Variants in NEDD4L observed in about 807,000 individuals in gnomAD.
NEDD4L encodes NEDD4 like E3 ubiquitin protein ligase.
A neutral mutation model predicts 148.9 loss-of-function variants in NEDD4L; 54 were observed. The ratio of observed to expected loss-of-function variants is 0.36; its 90% CI spans 0.29 to 0.45. NEDD4L has a LOEUF of 0.45. Among genes scored for constraint, NEDD4L ranks in the 20% least tolerant of loss-of-function variants. The probability of loss-of-function intolerance (pLI) is 1.00; values close to 1 mark genes in which losing one functional copy is unlikely to be tolerated. For synonymous variants in NEDD4L, 433 were observed against 440.7 expected (o/e 0.98, Z 0.22); for missense variants, 856 against 1,233.8 (o/e 0.69, Z 4.59).
rs537078408 is a variant in NEDD4L at position 58,232,273 on chromosome 18, TAA to T, written c.123-13153_123-13152del. Among the ~76,000 whole-genome samples the T allele has an allele frequency of 3.9e-4, 59 of 152,286 alleles. No homozygotes were observed. The South Asian group carries it at 0.011, about 28-fold the overall frequency. The stretch of plus-strand genomic sequence containing the variant: ...ATCCAGTCTAACACACACAGTAACT[TAA>T]GAGAGGATTTTAAAAAATCAAAATG... On this transcript the variant is annotated intron_variant, in intron 2 of 30. Coordinates refer to ENST00000400345, the MANE Select transcript of NEDD4L (RefSeq NM_001144967.3).
At chr18:58,288,546 T>C (rs923779410) in intron 5 of NEDD4L, among the ~76,000 whole-genome samples, 1 of 152,244 alleles carries the variant, frequency 6.6e-6, no homozygotes, top group African/African-American at 2.4e-5. Context: ...CTGAATTTTA[T>C]AGTTTAATAT....
rs934852134 is a variant in NEDD4L at position 58,398,234 on chromosome 18, C to T, written c.*1965C>T. 23 of 141,588 alleles carry T rather than the reference C, an allele frequency of 1.6e-4. No homozygotes were observed. Among genetic ancestry groups the T allele is most frequent in the Admixed American group, 6.3e-4 (9 of 14,242 alleles). 8.8% of individuals were successfully genotyped at this position (141,588 alleles called of 1,614,324 possible). ...TTTTGACTATTGGTGAGATGTTTTCCGCTACAGTTAACATGACAAATGTCT... is the reference window on the plus strand; with the variant it reads ...TTTTGACTATTGGTGAGATGTTTTCTGCTACAGTTAACATGACAAATGTCT... On this transcript the variant is annotated 3_prime_UTR_variant, in exon 31 of 31. Coordinates refer to ENST00000400345, the MANE Select transcript of NEDD4L (RefSeq NM_001144967.3).
chr18:58,100,252 C>A (rs1327799861), intron 1 of NEDD4L, among the ~76,000 whole-genome samples: 1 of 152,142 alleles, frequency 6.6e-6, no homozygotes, highest in Non-Finnish European at 1.5e-5. Flanking sequence ...GTCATTAAGG[C>A]CCCTTAACAT....
intron 1 of NEDD4L, among the ~76,000 whole-genome samples, chr18:58,077,773 A>G (rs939779961): frequency 2.0e-5 from 3 of 152,182 alleles, no homozygotes; most frequent in Non-Finnish European, 4.4e-5. Context: ...TAACCTGACC[A>G]TAGAGCTCCA....
At position 58,399,038 on chromosome 18, in the gene NEDD4L, AC is replaced by A. The variant is rs2147165103; in HGVS notation, c.*2770del. On this transcript the variant is annotated 3_prime_UTR_variant, in exon 31 of 31. Transcript: ENST00000400345. Reference sequence around the variant, plus strand: ...AAGCTGTAGTTATTATGGGCCACTTACATGAGGCTGAGAAGTACGTGCCGGA... The same window carrying A: ...AAGCTGTAGTTATTATGGGCCACTTAATGAGGCTGAGAAGTACGTGCCGGA... 6.6e-6 allele frequency: 1 copy of A among 152,394 alleles called. No individual in the cohort carries two copies. The highest frequency in any genetic ancestry group is 1.9e-4 in the East Asian group (1 of 5,190). The allele number at this position is 152,394 out of a possible 1,614,324, so 9.4% of individuals were successfully genotyped here.
At chr18:58,257,752 T>G (rs2048802168) in intron 5 of NEDD4L, among the ~76,000 whole-genome samples, 1 of 152,186 alleles carries the variant, frequency 6.6e-6, no homozygotes, top group Non-Finnish European at 1.5e-5. Context: ...TAGAGTGGAA[T>G]GAAAAGTTTA....
intron 1 of NEDD4L, among the ~76,000 whole-genome samples, chr18:58,061,149 G>A (rs1254013972): frequency 6.6e-6 from 1 of 152,116 alleles, no homozygotes; most frequent in Non-Finnish European, 1.5e-5. Context: ...CATCTTACAC[G>A]GCACAGTACA....
intron 2 of NEDD4L, among the ~76,000 whole-genome samples, chr18:58,202,043 A>T (rs1465936210): frequency 6.6e-6 from 1 of 152,236 alleles, no homozygotes; most frequent in African/African-American, 2.4e-5. Context: ...AATAAAAATA[A>T]GTAAATTCTT....
intron 1 of NEDD4L, among the ~76,000 whole-genome samples, chr18:58,085,040 G>A (rs1207447910): frequency 6.6e-6 from 1 of 152,102 alleles, no homozygotes; most frequent in Non-Finnish European, 1.5e-5. Flanking sequence ...CTCATTGCGT[G>A]TCCACATTTC....
chr18:58,185,151 G>A (rs1568347805), intron 2 of NEDD4L, among the ~76,000 whole-genome samples: 1 of 152,136 alleles, frequency 6.6e-6, no homozygotes, highest in Non-Finnish European at 1.5e-5. Flanking sequence ...ACAGGTTCCT[G>A]GTTAGCATTT....
chr18:58,115,678 A>AAATGGAGGG (rs990405609), intron 1 of NEDD4L, among the ~76,000 whole-genome samples: 6 of 152,270 alleles, frequency 3.9e-5, no homozygotes, highest in African/African-American at 1.4e-4. Context: ...ACTGCTGCCT[A>AAATGGAGGG]AATGGAGGGA....
intron 24 of NEDD4L, among the ~76,000 whole-genome samples, chr18:58,380,317 T>C (rs999309038): frequency 3.3e-5 from 5 of 149,818 alleles, no homozygotes; most frequent in African/African-American, 1.2e-4. Context: ...TATTTATTTA[T>C]TTATTTATTT....
chr18:58,266,065 C>T (rs1229283800), intron 5 of NEDD4L, among the ~76,000 whole-genome samples: 1 of 151,950 alleles, frequency 6.6e-6, no homozygotes, highest in Non-Finnish European at 1.5e-5. Context: ...ATTTAAATAT[C>T]ATATGTATTT....
In NEDD4L at chr18:58,325,030, C is replaced by G; in HGVS notation, c.548C>G (p.Ala183Gly). Residue 183 changes from alanine (A) to glycine (G), a missense_variant, in exon 9 of 31, where the codon GCT becomes GGT. By Grantham distance (60) the Ala-to-Gly change is moderately conservative. Coordinates refer to ENST00000400345, the MANE Select transcript of NEDD4L (RefSeq NM_001144967.3). The stretch of plus-strand genomic sequence containing the variant: ...GAAGTTGTTGACTCAAATGACTCGG[C>G]TTCTCAGCACCAAGAGGAACTTCCT... ...GWEVVDSNDS[A>G]SQHQEELPPP... 1 of 1,613,978 alleles carries G rather than the reference C, an allele frequency of 6.2e-7. No homozygotes were observed. Among genetic ancestry groups the G allele is most frequent in the Non-Finnish European group, 8.5e-7 (1 of 1,179,846 alleles).
At chr18:58,129,685 A>C (rs1415276488) in intron 1 of NEDD4L, among the ~76,000 whole-genome samples, 2 of 152,220 alleles carry the variant, frequency 1.3e-5, no homozygotes, top group African/African-American at 4.8e-5. Flanking sequence ...TCATGGGTTT[A>C]TCTTGTCCAC....
chr18:58,084,770 T>C (rs1599157857), intron 1 of NEDD4L, among the ~76,000 whole-genome samples: 1 of 151,230 alleles, frequency 6.6e-6, no homozygotes, highest in East Asian at 2.0e-4. Context: ...TCATGGCTCA[T>C]TGCAGCCTCA....
At chr18:58,274,679 A>G (rs1417044397) in intron 5 of NEDD4L, among the ~76,000 whole-genome samples, 1 of 152,246 alleles carries the variant, frequency 6.6e-6, no homozygotes, top group Non-Finnish European at 1.5e-5. Flanking sequence ...ACCAAGATCC[A>G]GTTCTTTTGA....
At chr18:58,328,794 T>G (rs535521602) in intron 9 of NEDD4L, among the ~76,000 whole-genome samples, 1 of 152,330 alleles carries the variant, frequency 6.6e-6, no homozygotes, top group South Asian at 2.1e-4. Flanking sequence ...AAAACTGCAT[T>G]TATTTGATTG....
intron 18 of NEDD4L, among the ~76,000 whole-genome samples, chr18:58,355,895 C>G (rs2044556796): frequency 6.6e-6 from 1 of 151,406 alleles, no homozygotes; most frequent in Non-Finnish European, 1.5e-5. Context: ...ACAGAATTCA[C>G]TAATTATTCT....
Sources: allele counts gnomAD v4.1 joint callset (sites outside exome capture counted in the v4.1 genomes callset), GRCh38; gene constraint gnomAD v4.1.1; transcripts MANE v1.5; gene names NCBI Gene and HGNC (gene_info 2026-07-23, HGNC 2026-07-21).